The following NCKAP5 variants were observed in gnomAD, a reference collection of about 807,000 sequenced individuals.
The protein encoded by NCKAP5 is NCK associated protein 5.
Under a neutral mutation model 167.0 loss-of-function variants are expected in NCKAP5, and 92 were observed. The ratio of observed to expected loss-of-function variants is 0.55; its 90% CI spans 0.47 to 0.66. The LOEUF is 0.66. Ranked by LOEUF, NCKAP5 falls within the 30% of genes least tolerant of loss-of-function variation. The pLI is 0.00. For missense variants in NCKAP5, 2,378 were observed against 2,315.0 expected (o/e 1.03, Z -0.56); for synonymous variants, 891 against 877.4 (o/e 1.02, Z -0.27).
chr2:133,225,805 T>TTTC (rs1464681192), intron 4 of NCKAP5, among the ~76,000 whole-genome samples: 12 of 142,184 alleles, frequency 8.4e-5, no homozygotes, highest in Non-Finnish European at 1.7e-4. Context: ...TTTTTTTTTT[T>TTTC]CGGAGTCTCC....
chr2:133,166,325 A>G (rs933530858), intron 5 of NCKAP5, among the ~76,000 whole-genome samples: 9 of 152,256 alleles, frequency 5.9e-5, no homozygotes, highest in African/African-American at 2.2e-4. Context: ...ATCATAATTT[A>G]CATACAATTT....
At chr2:132,749,935 C>G (rs1490620457) in intron 16 of NCKAP5, among the ~76,000 whole-genome samples, 1 of 152,120 alleles carries the variant, frequency 6.6e-6, no homozygotes, top group Non-Finnish European at 1.5e-5. Context: ...ATGCCATGAG[C>G]CTCACCACCT....
chr2:133,339,274 T>G (rs1410834959), intron 3 of NCKAP5, among the ~76,000 whole-genome samples: 1 of 152,140 alleles, frequency 6.6e-6, no homozygotes, highest in Non-Finnish European at 1.5e-5. Context: ...AATGAGAAGT[T>G]TATGGAACTT....
At chr2:133,539,210 A>G (rs7583003) in intron 2 of NCKAP5, among the ~76,000 whole-genome samples, 42,785 of 151,724 alleles carry the variant, frequency 0.28, 6,439 homozygotes, top group East Asian at 0.37. Context: ...AAAGTGCTGG[A>G]ATTACAGGCG....
chr2:133,033,686 A>T (rs1312475287), intron 6 of NCKAP5, among the ~76,000 whole-genome samples: 5 of 152,138 alleles, frequency 3.3e-5, no homozygotes, highest in South Asian at 2.1e-4. Flanking sequence ...AAAAGAATCA[A>T]GCACTAATTC....
At chr2:133,051,438 T>C (rs2079604042) in intron 6 of NCKAP5, among the ~76,000 whole-genome samples, 1 of 152,156 alleles carries the variant, frequency 6.6e-6, no homozygotes, top group African/African-American at 2.4e-5. Context: ...AAAGGGTTGC[T>C]ATTGAGCAAC....
chr2:133,349,064 A>C (rs1684172106), intron 3 of NCKAP5, among the ~76,000 whole-genome samples: 1 of 151,804 alleles, frequency 6.6e-6, no homozygotes, highest in Non-Finnish European at 1.5e-5. Context: ...TCTATCTTAC[A>C]CTCCTTAACA....
intron 8 of NCKAP5, among the ~76,000 whole-genome samples, chr2:132,914,798 A>G (rs1694734733): frequency 6.6e-6 from 1 of 152,046 alleles, no homozygotes; most frequent in East Asian, 1.9e-4. Flanking sequence ...AATGCTGCTC[A>G]AGGCCATCAG....
chr2:132,794,497 A>G (rs1468018511), intron 12 of NCKAP5, among the ~76,000 whole-genome samples: 1 of 151,486 alleles, frequency 6.6e-6, no homozygotes, highest in Non-Finnish European at 1.5e-5. Flanking sequence ...TTAGCCAGGC[A>G]TGGTGGTGTG....
At chr2:132,960,769 A>G (rs574527112) in intron 8 of NCKAP5, among the ~76,000 whole-genome samples, 2 of 152,240 alleles carry the variant, frequency 1.3e-5, no homozygotes, top group Admixed American at 1.3e-4. Context: ...TCAAGAACGT[A>G]ATATAGAAGT....
At chr2:133,397,770 C>T (rs1231536076) in intron 3 of NCKAP5, among the ~76,000 whole-genome samples, 1 of 152,170 alleles carries the variant, frequency 6.6e-6, no homozygotes, top group African/African-American at 2.4e-5. Context: ...CAATTTTCTA[C>T]TCTGTATAAG....
chr2:133,369,782 C>A (rs576530121), intron 3 of NCKAP5, among the ~76,000 whole-genome samples: 3 of 152,036 alleles, frequency 2.0e-5, no homozygotes, highest in African/African-American at 7.2e-5. Context: ...TTTATTTGTG[C>A]GAGAAAAAAG....
At chr2:133,467,499 T>C (rs1291093718) in intron 3 of NCKAP5, among the ~76,000 whole-genome samples, 19 of 151,398 alleles carry the variant, frequency 1.3e-4, no homozygotes, top group African/African-American at 3.9e-4. Context: ...TGCCTGGCTT[T>C]GGTATCAGAA....
chr2:133,516,312 C>T lies in NCKAP5; in HGVS notation c.69+1146G>A, dbSNP rs146661167. Among the ~76,000 whole-genome samples, 249 of 152,206 alleles carry T rather than the reference C, an allele frequency of 1.6e-3. 1 individual carries two copies. Among genetic ancestry groups the T allele is most frequent in the African/African-American group, 5.6e-3 (234 of 41,532 alleles). ...ACACACTCACACACCAATGTCACCA[C>T]GTTCAACCTGGAGTTAGCAAGACGT... is the stretch of plus-strand genomic sequence containing the variant. On this transcript the variant is annotated intron_variant, in intron 3 of 19. Transcript: ENST00000409261.
chr2:133,438,283 C>T (rs1258048361), intron 3 of NCKAP5, among the ~76,000 whole-genome samples: 1 of 152,168 alleles, frequency 6.6e-6, no homozygotes, highest in Admixed American at 6.5e-5. Context: ...CTGCAGTATG[C>T]CTATTACAAA....
intron 1 of NCKAP5, among the ~76,000 whole-genome samples, chr2:133,563,536 T>A (rs900985755): frequency 8.9e-6 from 1 of 112,620 alleles, no homozygotes; most frequent in Non-Finnish European, 1.6e-5. Context: ...GCCACTGCAC[T>A]CCAGCCTGGT....
chr2:132,827,945 G>A (rs1687247305), intron 11 of NCKAP5, among the ~76,000 whole-genome samples: 1 of 152,154 alleles, frequency 6.6e-6, no homozygotes, highest in African/African-American at 2.4e-5. Flanking sequence ...AGGGGAAGCA[G>A]TACGATATAA....
At chr2:133,169,358 C>G (rs10928441) in intron 5 of NCKAP5, among the ~76,000 whole-genome samples, 2 of 152,110 alleles carry the variant, frequency 1.3e-5, no homozygotes, top group Non-Finnish European at 2.9e-5. Flanking sequence ...CTTTCCCAAT[C>G]AGGTCCAATT....
chr2:133,501,431 C>T (rs58148129), intron 3 of NCKAP5, among the ~76,000 whole-genome samples: 9,943 of 152,108 alleles, frequency 0.065, 364 homozygotes, highest in South Asian at 0.16. Context: ...GGAAGCTTAG[C>T]AATTGAGACA....
Sources: allele counts gnomAD v4.1 joint callset (sites outside exome capture counted in the v4.1 genomes callset), GRCh38; gene constraint gnomAD v4.1.1; transcripts MANE v1.5; gene names NCBI Gene and HGNC (gene_info 2026-07-23, HGNC 2026-07-21).